CYREN: variants seen among roughly 807,000 people sequenced by gnomAD.
The protein encoded by CYREN is cell cycle regulator of non-homologous end joining.
Under a neutral mutation model 9.7 loss-of-function variants are expected in CYREN, and 7 were observed. That is an observed-to-expected ratio of 0.72 (90% confidence interval 0.41 to 1.36). CYREN has a LOEUF of 1.36. Ranked by LOEUF, CYREN falls within the 40% of genes most tolerant of loss-of-function variation. The pLI, the probability that CYREN is intolerant of heterozygous loss-of-function variation, is 0.01. For synonymous variants in CYREN, 76 were observed against 77.9 expected (o/e 0.98, Z 0.13); for missense variants, 215 against 198.1 (o/e 1.09, Z -0.51).
chr7:135,139,422 T>G (rs1164507608), intron 2 of CYREN, among the ~76,000 whole-genome samples: 2 of 152,048 alleles, frequency 1.3e-5, no homozygotes, highest in Non-Finnish European at 2.9e-5. Flanking sequence ...TGCCCTTTTT[T>G]TTTTAATGAG....
intron 2 of CYREN, among the ~76,000 whole-genome samples, chr7:135,137,397 CA>C (rs778892801): frequency 2.6e-5 from 4 of 151,702 alleles, no homozygotes; most frequent in Non-Finnish European, 5.9e-5. Flanking sequence ...CCAAAAACTG[CA>C]GGACAATTTT....
chr7:135,138,677 A>G (rs894273526), intron 2 of CYREN, among the ~76,000 whole-genome samples: 1 of 152,024 alleles, frequency 6.6e-6, no homozygotes, highest in Non-Finnish European at 1.5e-5. Context: ...TGGTGTACAG[A>G]TTATTTCATC....
At chr7:135,136,033 A>G (rs886771759) in intron 2 of CYREN, among the ~76,000 whole-genome samples, 4 of 152,138 alleles carry the variant, frequency 2.6e-5, no homozygotes, top group African/African-American at 9.7e-5. Context: ...TTTGTCATTC[A>G]TAAGGCAGTG....
intron 2 of CYREN, among the ~76,000 whole-genome samples, chr7:135,149,622 C>T (rs1187340492): frequency 6.6e-6 from 1 of 152,144 alleles, no homozygotes; most frequent in African/African-American, 2.4e-5. Context: ...AAAGTTTGTA[C>T]AAATGTTCAC....
intron 3 of CYREN, chr7:135,167,431 A>G (rs746084515): frequency 4.0e-5 from 48 of 1,212,498 alleles, no homozygotes; most frequent in Non-Finnish European, 4.8e-5. Context: ...ACAAACAGGT[A>G]AACGCTTCAT....
Position 135,118,989 on chromosome 7 carries a change from C to T in CYREN, n.357-24407G>A, listed in dbSNP as rs7789346. 7.1e-3 allele frequency among the ~76,000 whole-genome samples: 1,076 copies of T among 152,020 alleles called. 15 individuals are homozygous for T. Among genetic ancestry groups the T allele is most frequent in the African/African-American group, 0.025 (1,026 of 41,458 alleles). On this transcript the variant is annotated intron_variant and non_coding_transcript_variant, in intron 2 of 2. Coordinates refer to the CYREN transcript ENST00000459937. ...AACTGAACATAAGAGAAAAAATAGG[C>T]TTAAAATAAAATGAATAGAGCTGCA...
chr7:135,134,043 A>C (rs1348236708), intron 2 of CYREN, among the ~76,000 whole-genome samples: 1 of 152,154 alleles, frequency 6.6e-6, no homozygotes, highest in Non-Finnish European at 1.5e-5. Flanking sequence ...ACTTGATAAT[A>C]GATTAATAAT....
At chr7:135,096,744 A>AAAGAAAGAAAGAAAG (rs1822908017) in intron 2 of CYREN, among the ~76,000 whole-genome samples, 1 of 87,466 alleles carries the variant, frequency 1.1e-5, no homozygotes, top group African/African-American at 5.1e-5. Flanking sequence ...AGAAAGAATG[A>AAAGAAAGAAAGAAAG]AAGAAAGAAA....
intron 2 of CYREN, chr7:135,128,357 T>A: frequency 3.5e-6 from 1 of 282,648 alleles, no homozygotes; most frequent in Non-Finnish European, 6.5e-6. Flanking sequence ...ATTTGTAAAC[T>A]GTCATGGCCC....
At chr7:135,125,511 G>A (rs1203630685) in intron 2 of CYREN, among the ~76,000 whole-genome samples, 1 of 152,120 alleles carries the variant, frequency 6.6e-6, no homozygotes, top group Non-Finnish European at 1.5e-5. Flanking sequence ...CCAAACAATT[G>A]AAAAGGAGGG....
Position 135,151,082 on chromosome 7 carries a change from T to A in CYREN, n.356+17667A>T, listed in dbSNP as rs540607295. On this transcript the variant is annotated intron_variant and non_coding_transcript_variant, in intron 2 of 2. Transcript: ENST00000459937. This position sits in a 1 kb window ranked among gnomAD's most constrained non-coding sequence, Gnocchi z 4.3. ...GGGTGCCTGGACTCATGCTTCTGACTTTATGTTATAATCTCATGGTATAGT... is the reference window on the plus strand; with the variant it reads ...GGGTGCCTGGACTCATGCTTCTGACATTATGTTATAATCTCATGGTATAGT... Among the ~76,000 whole-genome samples, 8 of 152,346 alleles carry A rather than the reference T, an allele frequency of 5.3e-5. No homozygotes were observed. Among genetic ancestry groups the A allele is most frequent in the South Asian group, 4.1e-4 (2 of 4,828 alleles).
At chr7:135,134,934 GGC>G (rs1562913355) in intron 2 of CYREN, 2 of 1,551,088 alleles carry the variant, frequency 1.3e-6, no homozygotes, top group South Asian at 2.4e-5. Flanking sequence ...GGGATGTTAT[GGC>G]AAACTCTTCA....
At chr7:135,170,786 A>C (rs1830611893), upstream of CYREN, 1 of 151,324 alleles carries the variant, frequency 6.6e-6, no homozygotes, top group African/African-American at 2.4e-5. Flanking sequence ...GTCTTGGGGA[A>C]CTCCCGGCCC....
chr7:135,134,701 A>G (rs1199990109), intron 2 of CYREN: 3 of 793,522 alleles, frequency 3.8e-6, no homozygotes, highest in African/African-American at 1.7e-5. Flanking sequence ...AAGACTTCTA[A>G]ATGATGGTAA....
intron 2 of CYREN, chr7:135,115,609 T>A: frequency 6.5e-7 from 1 of 1,536,806 alleles, no homozygotes; most frequent in Non-Finnish European, 8.8e-7. Context: ...AAATCCAACA[T>A]CAGTAAGTCA....
intron 2 of CYREN, among the ~76,000 whole-genome samples, chr7:135,109,979 G>A (rs1825376646): frequency 6.6e-6 from 1 of 152,228 alleles, no homozygotes; most frequent in African/African-American, 2.4e-5. Flanking sequence ...TCTGCCCATT[G>A]AGGAGAAGCA....
downstream of CYREN, among the ~76,000 whole-genome samples, chr7:135,160,818 G>A (rs1005310017): frequency 2.0e-5 from 3 of 152,076 alleles, no homozygotes; most frequent in Non-Finnish European, 2.9e-5. Flanking sequence ...CATGACACTA[G>A]AGTGGAGAAT....
intron 2 of CYREN, among the ~76,000 whole-genome samples, chr7:135,159,101 A>G (rs1344332584): frequency 5.3e-5 from 8 of 151,782 alleles, no homozygotes; most frequent in Admixed American, 6.6e-5. Context: ...GCCTCTCCCG[A>G]CTCTCAGTCG....
At chr7:135,164,722 C>T (rs1346842233), downstream of CYREN, 2 of 1,614,234 alleles carry the variant, frequency 1.2e-6, no homozygotes, top group South Asian at 2.2e-5. Flanking sequence ...CTGGTCCTCA[C>T]CCTCTTTGCC....
Sources: gnomAD v4.1 joint callset for allele counts (sites outside exome capture counted in the v4.1 genomes callset) on GRCh38, gnomAD v4.1.1 for gene constraint, Gnocchi (gnomAD v3.1) non-coding constraint, MANE v1.5 for transcripts, NCBI Gene and HGNC (gene_info 2026-07-23, HGNC 2026-07-21) for gene names.